The following ADNP variants were observed in gnomAD, a reference collection of about 807,000 sequenced individuals.
ADNP encodes the protein activity dependent neuroprotector homeobox.
Under a neutral mutation model 84.9 loss-of-function variants are expected in ADNP, and 4 were observed. The ratio of observed to expected loss-of-function variants is 0.05; its 90% confidence interval spans 0.02 to 0.11. The LOEUF (loss-of-function observed/expected upper bound fraction) is 0.11. ADNP is among the 10% of genes least tolerant of loss of function. The probability of loss-of-function intolerance (pLI) is 1.00; values close to 1 mark genes in which losing one functional copy is unlikely to be tolerated. For synonymous variants in ADNP, 554 were observed against 468.1 expected (o/e 1.18, Z -2.37); for missense variants, 1,132 against 1,326.0 (o/e 0.85, Z 2.27).
At chr20:50,912,902 G>A (rs529108656) in intron 2 of ADNP, among the ~76,000 whole-genome samples, 1 of 152,232 alleles carries the variant, frequency 6.6e-6, no homozygotes, top group Non-Finnish European at 1.5e-5. Context: ...GGGGTTGGGA[G>A]AAGAGAAGAG....
intron 5 of ADNP, among the ~76,000 whole-genome samples, chr20:50,900,709 G>C (rs17726865): frequency 0.22 from 33,822 of 152,086 alleles, 4,034 homozygotes; most frequent in Non-Finnish European, 0.26. Flanking sequence ...ACAATTACAA[G>C]AGATAAAGCT....
Position 50,894,361 on chromosome 20 carries a change from T to C in ADNP, c.353A>G (p.Lys118Arg). 1 of 1,614,140 alleles carries C rather than the reference T, an allele frequency of 6.2e-7. No individual in the cohort carries two copies. The highest frequency in any genetic ancestry group is 1.1e-5 in the South Asian group (1 of 91,066). Residue 118 changes from lysine to arginine, a missense_variant, in exon 6 of 6, where the codon AAA becomes AGA. This residue lies in a region of ADNP where 130 missense variants were observed against 183.7 expected (regional missense o/e 0.71). Coordinates refer to ENST00000621696, the MANE Select transcript of ADNP (RefSeq NM_001282531.3). ...TTTAATGTGTGTTTCCAAAGTCTTT[T>C]TGTCTGCATTGAAGGTACAGTAGGG... ...NCPYCTFNAD[K>R]KTLETHIKIF... is the part of the protein sequence containing the mutation.
chr20:50,899,543 CACTT>C (rs931859825), intron 5 of ADNP, among the ~76,000 whole-genome samples: 11 of 152,036 alleles, frequency 7.2e-5, no homozygotes, highest in African/African-American at 2.4e-4. Context: ...TTGAGTGTAC[CACTT>C]ACTTCTATAT....
At chr20:50,901,890 A>T in intron 5 of ADNP, 127 bp downstream of exon 5, 1 of 792,048 alleles carries the variant, frequency 1.3e-6, no homozygotes, top group Admixed American at 2.4e-5. Flanking sequence ...AAAATATGAA[A>T]TGCAATTTTG....
Position 50,902,127 on chromosome 20 carries a change from A to G in ADNP, c.109-18T>C. ...TTAAAATCCTAGAAAACAGTGAAAT[A>G]AGTTTACAAAAACATAGTGGTATAA... On this transcript the variant is annotated intron_variant, in intron 4 of 5. Transcript: ENST00000621696. The G allele has an allele frequency of 6.4e-7, 1 of 1,559,068 alleles. No homozygotes were observed. The highest frequency in any genetic ancestry group is 8.8e-7 in the Non-Finnish European group (1 of 1,130,176).
At chr20:50,925,104 G>A (rs1239903665) in intron 2 of ADNP, among the ~76,000 whole-genome samples, 1 of 152,142 alleles carries the variant, frequency 6.6e-6, no homozygotes, top group Non-Finnish European at 1.5e-5. Context: ...AACTCCTTAA[G>A]GCAGAGGACT....
intron 4 of ADNP, among the ~76,000 whole-genome samples, chr20:50,902,527 G>C (rs1365228932): frequency 6.6e-6 from 1 of 152,092 alleles, no homozygotes; most frequent in Non-Finnish European, 1.5e-5. Context: ...TTTTTTTCGA[G>C]GGGAGGGGGC....
chr20:50,924,671 G>A (rs547359298), intron 2 of ADNP, among the ~76,000 whole-genome samples: 3 of 152,150 alleles, frequency 2.0e-5, no homozygotes, highest in Non-Finnish European at 2.9e-5. Flanking sequence ...CAGCAAGGGG[G>A]CCTTTACACT....
chr20:50,896,513 C>A (rs905181738), intron 5 of ADNP, among the ~76,000 whole-genome samples: 1 of 152,050 alleles, frequency 6.6e-6, no homozygotes, highest in African/African-American at 2.4e-5. Flanking sequence ...GAGCTGAGAT[C>A]GTGCCATTGC....
chr20:50,891,346 C>A lies in ADNP; in HGVS notation c.*59G>T, dbSNP rs1021484823. 1.3e-6 allele frequency: 2 copies of A among 1,500,016 alleles called. No homozygotes were observed. Among genetic ancestry groups the A allele is most frequent in the African/African-American group, 1.4e-5 (1 of 71,778 alleles). The allele number at this position is 1,500,016 out of a possible 1,614,324, so 92.9% of individuals were successfully genotyped here. ...ACCAGTGAGAAGACAGCTTTGCAGT[C>A]ACACTGGATATCAGAGTTCCAGGCT... On this transcript the variant is annotated 3_prime_UTR_variant, in exon 6 of 6. Coordinates refer to ENST00000621696, the MANE Select transcript of ADNP (RefSeq NM_001282531.3).
chr20:50,912,256 C>T (rs1983104477), intron 2 of ADNP, among the ~76,000 whole-genome samples: 2 of 152,194 alleles, frequency 1.3e-5, no homozygotes, highest in Non-Finnish European at 2.9e-5. Flanking sequence ...CAGCGATTCT[C>T]CCACCTCAGC....
At chr20:50,922,578 GTTT>G (rs58775431) in intron 2 of ADNP, among the ~76,000 whole-genome samples, 3 of 125,488 alleles carry the variant, frequency 2.4e-5, no homozygotes, top group East Asian at 2.3e-4. Context: ...GTCCTCCTGC[GTTT>G]TTTTTTTTTT....
Position 50,890,793 on chromosome 20 carries a change from A to G in ADNP, c.*612T>C. 1 of 471,924 alleles carries G rather than the reference A, an allele frequency of 2.1e-6. No individual in the cohort carries two copies. The highest frequency in any genetic ancestry group is 2.8e-6 in the Non-Finnish European group (1 of 360,706). The allele number at this position is 471,924 out of a possible 1,614,324, so 29.2% of individuals were successfully genotyped here. On this transcript the variant is annotated 3_prime_UTR_variant, in exon 6 of 6. Coordinates refer to ENST00000621696, the MANE Select transcript of ADNP (RefSeq NM_001282531.3). ...TATGTGCAAAAACTAAGTCTGTCCA[A>G]AAAGTCCATACTAGCGCAGTTTTGA...
chr20:50,914,124 T>C (rs1209758744), intron 2 of ADNP: 1 of 766,356 alleles, frequency 1.3e-6, no homozygotes. Context: ...CTAATCCAGA[T>C]GGTAAGGATC....
At chr20:50,901,968 G>C in intron 5 of ADNP, 49 bp downstream of exon 5, 1 of 1,357,086 alleles carries the variant, frequency 7.4e-7, no homozygotes, top group Non-Finnish European at 1.1e-6. Flanking sequence ...GCTGAAAAGG[G>C]AGTATACCAA....
intron 2 of ADNP, among the ~76,000 whole-genome samples, chr20:50,920,219 G>A (rs1224458036): frequency 7.5e-6 from 1 of 133,594 alleles, no homozygotes; most frequent in Non-Finnish European, 1.5e-5. Context: ...GGAGGTTGCA[G>A]TCACTGCACT....
chr20:50,909,998 CATT>C (rs1982883152), intron 2 of ADNP, among the ~76,000 whole-genome samples: 1 of 152,220 alleles, frequency 6.6e-6, no homozygotes, highest in Non-Finnish European at 1.5e-5. Flanking sequence ...TAAACACACA[CATT>C]ATCGTTTCTG....
At chr20:50,897,893 C>G (rs1981580736) in intron 5 of ADNP, among the ~76,000 whole-genome samples, 2 of 152,188 alleles carry the variant, frequency 1.3e-5, no homozygotes, top group African/African-American at 4.8e-5. Context: ...GAAAGAGGAG[C>G]AGGGTCACCC....
intron 2 of ADNP, among the ~76,000 whole-genome samples, chr20:50,925,681 G>C (rs532990538): frequency 6.6e-6 from 1 of 152,302 alleles, no homozygotes; most frequent in East Asian, 1.9e-4. Flanking sequence ...ATTAGCATGG[G>C]GCTTTGGTTT....
Sources: gnomAD v4.1 joint callset for allele counts (sites outside exome capture counted in the v4.1 genomes callset) on GRCh38, gnomAD v4.1.1 for gene constraint, gnomAD v4.1.1 regional missense constraint, MANE v1.5 for transcripts, NCBI Gene and HGNC (gene_info 2026-07-23, HGNC 2026-07-21) for gene names.